Variants in CR1 observed in about 807,000 individuals in gnomAD.
CR1 encodes the protein complement receptor type 1.
In CR1, 116 loss-of-function variants were observed where a neutral mutation model predicts 187.3. The ratio of observed to expected loss-of-function variants is 0.62; its 90% CI spans 0.53 to 0.72. The LOEUF is 0.72. Ranked by LOEUF, CR1 falls within the 30% of genes least tolerant of loss-of-function variation. The pLI, the probability that CR1 is intolerant of heterozygous loss-of-function variation, is 0.00. For synonymous variants in CR1, 576 were observed against 747.1 expected (o/e 0.77, Z 3.73); for missense variants, 1,731 against 2,110.7 (o/e 0.82, Z 3.52).
At chr1:207,580,157 C>A in intron 29 of CR1, 83 bp from the exon 30 acceptor site, 1 of 1,554,006 alleles carries the variant, frequency 6.4e-7, no homozygotes, top group Non-Finnish European at 8.7e-7. Context: ...TATTTCTCTA[C>A]CTCTGACTAG....
chr1:207,497,729 A>G (rs1037489240), intron 1 of CR1, among the ~76,000 whole-genome samples: 4 of 152,316 alleles, frequency 2.6e-5, no homozygotes, highest in Non-Finnish European at 4.4e-5. Context: ...TCTTACTAGA[A>G]TGTTGTTTTA....
chr1:207,544,764 T>C (rs1660264264), intron 13 of CR1, among the ~76,000 whole-genome samples: 1 of 147,466 alleles, frequency 6.8e-6, no homozygotes, highest in Admixed American at 6.7e-5. Flanking sequence ...AGGAGACCCA[T>C]AGTTCTTTAC....
intron 3 of CR1, among the ~76,000 whole-genome samples, chr1:207,511,206 T>TA (rs1324351979): frequency 1.3e-5 from 2 of 152,104 alleles, no homozygotes; most frequent in African/African-American, 4.8e-5. Context: ...AAGAAATACA[T>TA]ACAACAGGAC....
chr1:207,630,460 C>A, intron 45 of CR1, 57 bp from the exon 46 acceptor site: 1 of 1,154,072 alleles, frequency 8.7e-7, no homozygotes, highest in Non-Finnish European at 1.2e-6. Flanking sequence ...TAATTTCTTT[C>A]AAAACAGATA....
rs1200066525 is a variant in CR1, at chr1:207,564,802, GA to G, written c.3866+575del. Reference sequence around the variant, plus strand: ...AACAATGAGTGAAACTCCATCTCAGGAAAAAAATCATATTTTACAAGCAAAA... The same window carrying G: ...AACAATGAGTGAAACTCCATCTCAGGAAAAAATCATATTTTACAAGCAAAA... On this transcript the variant is annotated intron_variant, in intron 23 of 46. Coordinates refer to ENST00000367049, the MANE Select transcript of CR1 (RefSeq NM_000651.6). 2.0e-5 allele frequency among the ~76,000 whole-genome samples: 3 copies of G among 149,706 alleles called. 1 individual carries two copies. The highest frequency in any genetic ancestry group is 2.1e-4 in the South Asian group (1 of 4,802).
At chr1:207,583,497 G>C (rs1473374508) in intron 32 of CR1, among the ~76,000 whole-genome samples, 1 of 152,126 alleles carries the variant, frequency 6.6e-6, no homozygotes, top group Non-Finnish European at 1.5e-5. Context: ...GTTTGCTTTT[G>C]ATTTTTAAGA....
At chr1:207,592,350 A>T (rs1218843033) in intron 35 of CR1, among the ~76,000 whole-genome samples, 1 of 152,222 alleles carries the variant, frequency 6.6e-6, no homozygotes, top group African/African-American at 2.4e-5. Flanking sequence ...AAACCACATG[A>T]TTATCTCAAT....
chr1:207,581,261 G>T (rs9660194), intron 31 of CR1, among the ~76,000 whole-genome samples: 27,784 of 132,150 alleles, frequency 0.21, 3,457 homozygotes, highest in South Asian at 0.44. Flanking sequence ...CGTATATGTA[G>T]ACGTATACAT....
rs755108568 is a variant in CR1 at position 207,611,807 on chromosome 1, C to T, written c.6426C>T (p.His2142=). Residue 2142 remains histidine (H), a synonymous_variant, in exon 38 of 47, where the codon CAC becomes CAT. Transcript: ENST00000367049. ...SYDLRGAASL[H]CTPQGDWSPE... ...ACCTCAGAGGGGCTGCGTCTCTGCA[C>T]TGCACGCCCCAGGGAGACTGGAGCC... 1.2e-6 allele frequency: 2 copies of T among 1,614,010 alleles called. No homozygotes were observed. The highest frequency in any genetic ancestry group is 2.2e-5 in the South Asian group (2 of 91,082).
intron 39 of CR1, among the ~76,000 whole-genome samples, chr1:207,612,984 TCTC>T (rs1661979388): frequency 1.3e-5 from 2 of 152,152 alleles, no homozygotes; most frequent in African/African-American, 4.8e-5. Context: ...TCGCCCCACA[TCTC>T]CTGTCGCCCA....
At chr1:207,604,587 T>C (rs1005579808) in intron 35 of CR1, among the ~76,000 whole-genome samples, 20 of 152,238 alleles carry the variant, frequency 1.3e-4, no homozygotes, top group African/African-American at 4.8e-4. Context: ...ATGCCATCTT[T>C]ATCACTGCCA....
Position 207,614,763 on chromosome 1 carries a change from TAGTC to T in CR1, c.6661+280_6661+283del, listed in dbSNP as rs60518500. On this transcript the variant is annotated intron_variant, in intron 40 of 46. Transcript: ENST00000367049. ...GATGACATAAAGGTGCAGCACGTTT[TAGTC>T]AGTCATTTATTTTTAGTTTTCTTAT... 2.4e-3 allele frequency among the ~76,000 whole-genome samples: 364 copies of T among 152,274 alleles called. 1 individual carries two copies. Among genetic ancestry groups the T allele is most frequent in the East Asian group, 0.015 (78 of 5,188 alleles).
chr1:207,565,572 C>G (rs1660467944), intron 23 of CR1, among the ~76,000 whole-genome samples: 1 of 150,098 alleles, frequency 6.7e-6, no homozygotes, highest in Admixed American at 6.6e-5. Flanking sequence ...AAGCCTGGGT[C>G]CTGGGTCAAG....
intron 25 of CR1, among the ~76,000 whole-genome samples, chr1:207,568,265 G>C (rs1438498344): frequency 7.1e-6 from 1 of 140,188 alleles, no homozygotes; most frequent in East Asian, 2.1e-4. Flanking sequence ...TGAGTGGTGG[G>C]AAAGTCCTTC....
At chr1:207,585,438 C>T (rs1169146812) in intron 33 of CR1, among the ~76,000 whole-genome samples, 1 of 152,152 alleles carries the variant, frequency 6.6e-6, no homozygotes, top group African/African-American at 2.4e-5. Context: ...AACTGTTCCA[C>T]TCAGGGGGTA....
At chr1:207,592,316 TCACATTAA>T (rs1163529576) in intron 35 of CR1, among the ~76,000 whole-genome samples, 1 of 152,064 alleles carries the variant, frequency 6.6e-6, no homozygotes, top group Non-Finnish European at 1.5e-5. Flanking sequence ...ACGTAATCCA[TCACATTAA>T]CAGAACCAAT....
intron 43 of CR1, among the ~76,000 whole-genome samples, chr1:207,621,481 A>C (rs1662312736): frequency 1.3e-5 from 2 of 152,210 alleles, no homozygotes; most frequent in Admixed American, 1.3e-4. Context: ...AATCTAAGGA[A>C]ATAATGTAAA....
intron 34 of CR1, among the ~76,000 whole-genome samples, chr1:207,588,295 G>A (rs1039097766): frequency 3.3e-5 from 5 of 152,022 alleles, no homozygotes; most frequent in East Asian, 3.9e-4. Flanking sequence ...TCAGCCTCTC[G>A]AGTAACTGGG....
chr1:207,513,030 T>C (rs1659671035), intron 4 of CR1, among the ~76,000 whole-genome samples: 1 of 152,212 alleles, frequency 6.6e-6, no homozygotes, highest in South Asian at 2.1e-4. Flanking sequence ...CTATAAACTA[T>C]TCAAGTCTAG....
Sources: gnomAD v4.1 joint callset for allele counts (sites outside exome capture counted in the v4.1 genomes callset) on GRCh38, gnomAD v4.1.1 for gene constraint, MANE v1.5 for transcripts, NCBI Gene and HGNC (gene_info 2026-07-23, HGNC 2026-07-21) for gene names.